The following SLC25A36 variants were observed in gnomAD, a reference collection of about 807,000 sequenced individuals.
SLC25A36 encodes solute carrier family 25 member 36, also known as epididymis secretory sperm binding protein.
SLC25A36 carries 24 observed loss-of-function variants against 35.3 expected under a neutral mutation model. The observed-to-expected ratio is 0.68, with a 90% CI of 0.49 to 0.96. The LOEUF is 0.96. Ranked by LOEUF, SLC25A36 falls within the 40% of genes least tolerant of loss-of-function variation. The pLI is 0.00. For missense variants in SLC25A36, 294 were observed against 381.1 expected, an observed-to-expected ratio of 0.77 and a Z score of 1.90; for synonymous variants, 141 against 132.2, an observed-to-expected ratio of 1.07 and a Z score of -0.46.
intron 6 of SLC25A36, among the ~76,000 whole-genome samples, chr3:140,974,361 C>T (rs573157012): frequency 2.0e-5 from 3 of 151,816 alleles, no homozygotes; most frequent in Non-Finnish European, 4.4e-5. Context: ...CTCTAAAGTA[C>T]TTATTTTCCC....
At position 140,956,572 on chromosome 3, in the gene SLC25A36, T is replaced by C. The variant is rs775577014; in HGVS notation, c.87T>C (p.Val29=). 11 of 1,613,270 alleles carry C rather than the reference T, an allele frequency of 6.8e-6. No homozygotes were observed. Among genetic ancestry groups the C allele is most frequent in the East Asian group, 4.5e-5 (2 of 44,860 alleles). ...CTATTCTGACATGTCCACTGGAAGT[T>C]GTAAAAACACGACTGCAGTCATCTT... ...VGAILTCPLE[V]VKTRLQSSSV... Residue 29 remains valine, a synonymous_variant, in exon 2 of 7, where the codon GTT becomes GTC. Transcript: ENST00000324194.
chr3:140,952,868 TATTC>T (rs1259221211), intron 1 of SLC25A36, among the ~76,000 whole-genome samples: 2 of 152,246 alleles, frequency 1.3e-5, no homozygotes, highest in African/African-American at 2.4e-5. Context: ...AAGTTATTCA[TATTC>T]AAGAATACTC....
At chr3:140,948,338 T>A (rs1185493742) in intron 1 of SLC25A36, among the ~76,000 whole-genome samples, 1 of 125,410 alleles carries the variant, frequency 8.0e-6, no homozygotes, top group Non-Finnish European at 1.6e-5. Context: ...TTGATATTTC[T>A]TTTTTTTTTC....
At chr3:140,967,787 C>T (rs1934800188) in intron 4 of SLC25A36, among the ~76,000 whole-genome samples, 1 of 151,916 alleles carries the variant, frequency 6.6e-6, no homozygotes, top group South Asian at 2.1e-4. Context: ...TACTAACCAT[C>T]CTACTAAGAG....
rs763052536 is a variant in SLC25A36 at position 140,977,029 on chromosome 3, G to A, written c.*576G>A. 2 of 152,100 alleles carry A rather than the reference G, an allele frequency of 1.3e-5. No individual in the cohort carries two copies. The highest frequency in any genetic ancestry group is 1.5e-5 in the Non-Finnish European group (1 of 68,014). 9.4% of individuals were successfully genotyped at this position (152,100 alleles called of 1,614,324 possible). A position where few individuals can be genotyped will look rare whatever the true frequency, so the allele number is the denominator to read the frequency against. Reference sequence around the variant, plus strand: ...TATTTTTTAGCATCAAAATGTTTTGGTTTCCACTGCTGACAGGTGCTTGTT... The same window carrying A: ...TATTTTTTAGCATCAAAATGTTTTGATTTCCACTGCTGACAGGTGCTTGTT... On this transcript the variant is annotated 3_prime_UTR_variant, in exon 7 of 7. Transcript: ENST00000324194.
At chr3:140,950,777 T>G (rs902105440) in intron 1 of SLC25A36, among the ~76,000 whole-genome samples, 3 of 152,224 alleles carry the variant, frequency 2.0e-5, no homozygotes, top group African/African-American at 7.2e-5. Context: ...CATCTTGGTG[T>G]GGATTGTTTT....
chr3:140,955,812 C>T (rs935885073), intron 1 of SLC25A36, among the ~76,000 whole-genome samples: 1 of 152,156 alleles, frequency 6.6e-6, no homozygotes, highest in African/African-American at 2.4e-5. Context: ...CCACCTCAGC[C>T]TCCCGAGTAG....
rs1265983064 is a variant in SLC25A36 at position 140,941,983 on chromosome 3, G to T, written c.-72G>T. ...CGCTGTGCGTCTCCAGTCCGGGACC[G>T]AAGCCGCCTGCCGTAGCGGGCGGCC... On this transcript the variant is annotated 5_prime_UTR_variant, in exon 1 of 7. Coordinates refer to ENST00000324194, the MANE Select transcript of SLC25A36 (RefSeq NM_001104647.3). 6 of 843,172 alleles carry T rather than the reference G, an allele frequency of 7.1e-6. No individual in the cohort carries two copies. The highest frequency in any genetic ancestry group is 1.2e-5 in the Non-Finnish European group (6 of 520,522). 52.2% of individuals were successfully genotyped at this position (843,172 alleles called of 1,614,324 possible).
rs1935106386 is a variant in SLC25A36, at chr3:140,978,430, C to T, written c.*1977C>T. On this transcript the variant is annotated 3_prime_UTR_variant, in exon 7 of 7. Coordinates refer to ENST00000324194, the MANE Select transcript of SLC25A36 (RefSeq NM_001104647.3). ...CAGTGCCATTTGCCTTGTGAAGACC[C>T]ATAAACATTCATTGTGTTGAATGTA... 1 of 152,122 alleles carries T rather than the reference C, an allele frequency of 6.6e-6. No individual in the cohort carries two copies. Among genetic ancestry groups the T allele is most frequent in the Admixed American group, 6.5e-5 (1 of 15,272 alleles). The allele number at this position is 152,122 out of a possible 1,614,324, so 9.4% of individuals were successfully genotyped here. A position where few individuals can be genotyped will look rare whatever the true frequency, so the allele number is the denominator to read the frequency against.
rs1264702145 is a variant in SLC25A36, at chr3:140,979,200, C to A, written c.*2747C>A. On this transcript the variant is annotated 3_prime_UTR_variant, in exon 7 of 7. Coordinates refer to ENST00000324194, the MANE Select transcript of SLC25A36 (RefSeq NM_001104647.3). ...TAACTTTGAAGTCAGGATAGAATAT[C>A]ATTAGATTATCTGTGAGATAGCATT... 2 of 152,146 alleles carry A rather than the reference C, an allele frequency of 1.3e-5. No homozygotes were observed. The highest frequency in any genetic ancestry group is 3.8e-4 in the East Asian group (2 of 5,202). 9.4% of individuals were successfully genotyped at this position (152,146 alleles called of 1,614,324 possible).
intron 4 of SLC25A36, 193 bp downstream of exon 4, chr3:140,963,420 G>T (rs181237305): frequency 8.4e-6 from 4 of 474,442 alleles, no homozygotes; most frequent in African/African-American, 2.0e-5. Context: ...GTAGTCAGGA[G>T]TTTACATGCT....
chr3:140,967,972 A>T (rs1384013575), intron 4 of SLC25A36: 1 of 984,842 alleles, frequency 1.0e-6, no homozygotes, highest in African/African-American at 1.7e-5. Context: ...AAAATGCAAA[A>T]TAAAAAGTAA....
At chr3:140,953,070 G>A (rs545698883) in intron 1 of SLC25A36, among the ~76,000 whole-genome samples, 2 of 152,284 alleles carry the variant, frequency 1.3e-5, no homozygotes, top group East Asian at 3.9e-4. Context: ...TGTGAATATG[G>A]TATGGACTAA....
At chr3:140,942,380 T>A in intron 1 of SLC25A36, 1 of 303,570 alleles carries the variant, frequency 3.3e-6, no homozygotes, top group East Asian at 5.7e-5. Flanking sequence ...GGGAGTGAGG[T>A]TTTGGGCCCG....
At chr3:140,968,031 T>A in intron 4 of SLC25A36, 2 of 984,758 alleles carry the variant, frequency 2.0e-6, no homozygotes. Context: ...TCTTTGTGTG[T>A]GTTTGTCATA....
At chr3:140,961,344 A>G (rs1281116180) in intron 3 of SLC25A36, among the ~76,000 whole-genome samples, 2 of 152,290 alleles carry the variant, frequency 1.3e-5, no homozygotes, top group Admixed American at 6.5e-5. Flanking sequence ...TTTCCATGAT[A>G]ATATGTGGGG....
rs138030288 is a variant in SLC25A36, at chr3:140,960,671, G to A, written c.284+1131G>A. Among the ~76,000 whole-genome samples the A allele has an allele frequency of 8.1e-3, 1,239 of 152,292 alleles. 14 individuals carry two copies. The highest frequency in any genetic ancestry group is 0.02 in the African/African-American group (848 of 41,552). The stretch of plus-strand genomic sequence containing the variant: ...TGCTGAAGAGGTGTCAAGGTGATAA[G>A]GATAAAGAACTATGGTGTGACAAAC... On this transcript the variant is annotated intron_variant, in intron 3 of 6. Coordinates refer to ENST00000324194, the MANE Select transcript of SLC25A36 (RefSeq NM_001104647.3).
chr3:140,970,926 G>A lies in SLC25A36; in HGVS notation c.386-1G>A. On this transcript the variant is annotated splice_acceptor_variant, in intron 4 of 6. Coordinates refer to ENST00000324194, the MANE Select transcript of SLC25A36 (RefSeq NM_001104647.3). LOFTEE classifies it high-confidence loss of function. Reference sequence around the variant, plus strand: ...AGTTCATTTTAAACATGTTTGTTTAGGTTTTACTGCAATCACAGCAACCAA... The same window carrying A: ...AGTTCATTTTAAACATGTTTGTTTAAGTTTTACTGCAATCACAGCAACCAA... 7.0e-7 allele frequency: 1 copy of A among 1,427,586 alleles called. No homozygotes were observed. Among genetic ancestry groups the A allele is most frequent in the Non-Finnish European group, 9.9e-7 (1 of 1,012,186 alleles). The allele number at this position is 1,427,586 out of a possible 1,614,324, so 88.4% of individuals were successfully genotyped here.
rs137960027 is a variant in SLC25A36, at chr3:140,970,824, A to G, written c.386-103A>G. On this transcript the variant is annotated intron_variant, in intron 4 of 6. Transcript: ENST00000324194. The stretch of plus-strand genomic sequence containing the variant: ...ATATACATAAATTAGTAGTTTATTT[A>G]TATACATTTTCTTGAATGTAGATTT... The G allele has an allele frequency of 9.4e-5, 57 of 607,834 alleles. No individual in the cohort carries two copies. The East Asian group carries it at 1.6e-3, about 17-fold the overall frequency. 37.7% of individuals were successfully genotyped at this position (607,834 alleles called of 1,614,324 possible). A position where few individuals can be genotyped will look rare whatever the true frequency, so the allele number is the denominator to read the frequency against.
Sources: allele counts gnomAD v4.1 joint callset (sites outside exome capture counted in the v4.1 genomes callset), GRCh38; gene constraint gnomAD v4.1.1; transcripts MANE v1.5; gene names NCBI Gene and HGNC (gene_info 2026-07-23, HGNC 2026-07-21).